Variants in KDM1B observed in about 807,000 individuals in gnomAD.
The protein encoded by KDM1B is lysine demethylase 1B, also known as lysine-specific histone demethylase 2.
Under a neutral mutation model 107.4 loss-of-function variants are expected in KDM1B, and 63 were observed. The ratio of observed to expected loss-of-function variants is 0.59; its 90% CI spans 0.48 to 0.72. KDM1B has a LOEUF of 0.72. Ranked by LOEUF, KDM1B falls within the 30% of genes least tolerant of loss-of-function variation. The pLI is 0.00. For synonymous variants in KDM1B, 363 were observed against 363.9 expected (o/e 1.00, Z 0.03); for missense variants, 749 against 1,020.8 (o/e 0.73, Z 3.63).
rs533016543 is a variant in KDM1B at position 18,210,342 on chromosome 6, C to CTTTTTTTTTTTTTTTTTTTTTTTTTTTT, written c.1866+2139_1867-2116dup. ...TCTTTCTTTTTTTTCTCTTTCTTTT[C>CTTTTTTTTTTTTTTTTTTTTTTTTTTTT]TTTTTTTTTTTTTTTTTTTTTTTTT... On this transcript the variant is annotated intron_variant, in intron 17 of 21. Transcript: ENST00000650836. Among the ~76,000 whole-genome samples, 87 of 70,008 alleles carry CTTTTTTTTTTTTTTTTTTTTTTTTTTTT rather than the reference C, an allele frequency of 1.2e-3. 11 individuals are homozygous for CTTTTTTTTTTTTTTTTTTTTTTTTTTTT. Among genetic ancestry groups the CTTTTTTTTTTTTTTTTTTTTTTTTTTTT allele is most frequent in the South Asian group, 1.6e-3 (4 of 2,434 alleles). 45.9% of individuals were successfully genotyped at this position (70,008 alleles called of 152,430 possible).
chr6:18,217,838 G>T lies in KDM1B; in HGVS notation c.2338G>T (p.Asp780Tyr). ...VKTGGSGEAYDIIAEDIQGTV... is the reference protein window; with the variant it reads ...VKTGGSGEAYYIIAEDIQGTV... ...GACAGGTGGAAGTGGGGAGGCCTAC[G>T]ATATCATTGCTGAAGACATTCAAGG... is the stretch of plus-strand genomic sequence containing the variant. The change falls in exon 21 of 22, where the codon GAT becomes TAT. Residue 780 changes from aspartate to tyrosine, a missense_variant. By Grantham distance (160) the Asp-to-Tyr change is radical. Transcript: ENST00000650836. The T allele has an allele frequency of 6.2e-7, 1 of 1,613,990 alleles. No homozygotes were observed. Among genetic ancestry groups the T allele is most frequent in the Non-Finnish European group, 8.5e-7 (1 of 1,179,966 alleles).
intron 3 of KDM1B, 121 bp from the exon 4 acceptor site, chr6:18,161,206 A>C: frequency 1.3e-6 from 1 of 794,896 alleles, no homozygotes; most frequent in Non-Finnish European, 2.1e-6. Context: ...TCCCTAACCT[A>C]CTGCCATGAT....
chr6:18,168,893 A>G (rs1785484923), intron 6 of KDM1B, among the ~76,000 whole-genome samples: 1 of 152,154 alleles, frequency 6.6e-6, no homozygotes. Flanking sequence ...CGTCTTTGAG[A>G]TGGAGTCTTG....
intron 21 of KDM1B, among the ~76,000 whole-genome samples, chr6:18,218,293 T>A (rs997892515): frequency 6.6e-6 from 1 of 152,020 alleles, no homozygotes; most frequent in African/African-American, 2.4e-5. Flanking sequence ...GCTAATTTTT[T>A]TTTTATTTTT....
chr6:18,208,036 C>T, intron 16 of KDM1B, 96 bp from the exon 17 acceptor site: 2 of 891,500 alleles, frequency 2.2e-6, no homozygotes, highest in Non-Finnish European at 3.8e-6. Flanking sequence ...TCCCCTTAGC[C>T]TTGGAGATGT....
At chr6:18,216,881 T>C (rs930861711) in intron 20 of KDM1B, among the ~76,000 whole-genome samples, 1 of 152,240 alleles carries the variant, frequency 6.6e-6, no homozygotes, top group African/African-American at 2.4e-5. Context: ...ATAGTGTGTA[T>C]AGTATTGGTC....
rs1409179077 is a variant in KDM1B at position 18,166,404 on chromosome 6, G to A, written c.417+26G>A. 4.4e-6 allele frequency: 6 copies of A among 1,366,616 alleles called. No homozygotes were observed. The African/African-American group carries it at 7.1e-5, about 16-fold the overall frequency. The allele number at this position is 1,366,616 out of a possible 1,614,324, so 84.7% of individuals were successfully genotyped here. A position where few individuals can be genotyped will look rare whatever the true frequency, so the allele number is the denominator to read the frequency against. ...GTAAGGAGAGTGATGCTCTCTGTCT[G>A]TGAAGTATTTGTGGAGCCAAATGCA... is the stretch of plus-strand genomic sequence containing the variant. On this transcript the variant is annotated intron_variant, in intron 6 of 21. Coordinates refer to ENST00000650836, the MANE Select transcript of KDM1B (RefSeq NM_001364614.2).
chr6:18,192,723 A>G (rs1351790213), intron 10 of KDM1B, among the ~76,000 whole-genome samples: 4 of 145,566 alleles, frequency 2.7e-5, no homozygotes, highest in Non-Finnish European at 4.5e-5. Context: ...TGGGCAAGAT[A>G]GTGAGATCCC....
At chr6:18,179,573 G>T (rs1786288878) in intron 7 of KDM1B, among the ~76,000 whole-genome samples, 1 of 152,132 alleles carries the variant, frequency 6.6e-6, no homozygotes, top group Non-Finnish European at 1.5e-5. Context: ...TGGCCATCTA[G>T]GTGGTTTATG....
chr6:18,189,555 A>G (rs1394145450), intron 9 of KDM1B, among the ~76,000 whole-genome samples: 1 of 152,228 alleles, frequency 6.6e-6, no homozygotes, highest in Admixed American at 6.5e-5. Flanking sequence ...GCCTAGCAAT[A>G]GGGAAATGGT....
In KDM1B at chr6:18,185,944, G is replaced by A. The variant is rs116028986; in HGVS notation, c.573+134G>A. On this transcript the variant is annotated intron_variant, in intron 8 of 21. Coordinates refer to ENST00000650836, the MANE Select transcript of KDM1B (RefSeq NM_001364614.2). The stretch of plus-strand genomic sequence containing the variant: ...ATCAGTGACTTTTTAATCTAACATG[G>A]TAACTATATTATGAAAATGTTAGCA... 1,272 of 797,912 alleles carry A rather than the reference G, an allele frequency of 1.6e-3. 13 individuals carry two copies. The African/African-American group carries it at 0.02, about 13-fold the overall frequency. 49.4% of individuals were successfully genotyped at this position (797,912 alleles called of 1,614,324 possible).
chr6:18,192,038 C>T (rs550352320), intron 10 of KDM1B, among the ~76,000 whole-genome samples: 4 of 152,146 alleles, frequency 2.6e-5, no homozygotes, highest in East Asian at 3.9e-4. Flanking sequence ...GCAGGAGGAT[C>T]GCTTGAGCCT....
chr6:18,200,302 A>G lies in KDM1B; in HGVS notation c.1222-137A>G, dbSNP rs1220921361. ...CTTCTCTTCACACTGCCTGCTTTTT[A>G]AAGTTGTTTTTTTAGAAATATTTGG... On this transcript the variant is annotated intron_variant, in intron 12 of 21. Transcript: ENST00000650836. This position sits in a 1 kb window ranked among gnomAD's most constrained non-coding sequence, Gnocchi z 4.3. 3 of 902,806 alleles carry G rather than the reference A, an allele frequency of 3.3e-6. No individual in the cohort carries two copies. The highest frequency in any genetic ancestry group is 5.0e-6 in the Non-Finnish European group (3 of 604,354). 55.9% of individuals were successfully genotyped at this position (902,806 alleles called of 1,614,324 possible).
intron 6 of KDM1B, among the ~76,000 whole-genome samples, chr6:18,168,708 T>A (rs1785474939): frequency 6.6e-6 from 1 of 152,238 alleles, no homozygotes. Context: ...TTTTCATTCC[T>A]GTCTGTAGCA....
rs755777440 is a variant in KDM1B, at chr6:18,162,872, C to A, written c.253C>A (p.Leu85Ile). The change falls in exon 5 of 22, where the codon CTC becomes ATC. Residue 85 changes from leucine to isoleucine, a missense_variant. Transcript: ENST00000650836. The surrounding 1 kb of genome is among the most constrained non-coding windows in gnomAD (Gnocchi z 4.1). ...KNGYTSRWYH[L>I]SCGEHFCNEC... ...TGGCTACACCTCCCGATGGTATCAT[C>A]TCTCCTGTGGGGAACATTTCTGTAA... is the stretch of plus-strand genomic sequence containing the variant. 2 of 1,612,332 alleles carry A rather than the reference C, an allele frequency of 1.2e-6. No individual in the cohort carries two copies. The highest frequency in any genetic ancestry group is 2.2e-5 in the South Asian group (2 of 91,028).
rs1462342234 is a variant in KDM1B, at chr6:18,191,507, T to A, written c.969+126T>A. 1.9e-6 allele frequency: 2 copies of A among 1,062,536 alleles called. No homozygotes were observed. The highest frequency in any genetic ancestry group is 2.7e-6 in the Non-Finnish European group (2 of 748,090). 65.8% of individuals were successfully genotyped at this position (1,062,536 alleles called of 1,614,324 possible). A position where few individuals can be genotyped will look rare whatever the true frequency, so the allele number is the denominator to read the frequency against. On this transcript the variant is annotated intron_variant, in intron 10 of 21. Transcript: ENST00000650836. The surrounding 1 kb of genome is among the most constrained non-coding windows in gnomAD (Gnocchi z 5.1). ...TCTCAGCCGTGCCTCTGTTGACAAT[T>A]TGGGCAGATAATTCTTTGTGGTGGG...
At chr6:18,185,355 G>A (rs1003503673) in intron 7 of KDM1B, among the ~76,000 whole-genome samples, 21 of 151,188 alleles carry the variant, frequency 1.4e-4, no homozygotes, top group African/African-American at 4.6e-4. Flanking sequence ...AGGCTGGAGC[G>A]CAGTAGCGCA....
intron 7 of KDM1B, among the ~76,000 whole-genome samples, chr6:18,185,399 C>G (rs1786792166): frequency 6.6e-6 from 1 of 151,872 alleles, no homozygotes; most frequent in Non-Finnish European, 1.5e-5. Context: ...CTTTCCGGGT[C>G]CCAGTGATTC....
At chr6:18,210,037 G>A (rs1355794975) in intron 17 of KDM1B, among the ~76,000 whole-genome samples, 11 of 152,136 alleles carry the variant, frequency 7.2e-5, no homozygotes, top group Non-Finnish European at 1.0e-4. Flanking sequence ...GTACTTGTGC[G>A]TTTCTGTGTT....
Sources: allele counts gnomAD v4.1 joint callset (sites outside exome capture counted in the v4.1 genomes callset), GRCh38; gene constraint gnomAD v4.1.1; non-coding constraint Gnocchi (gnomAD v3.1); transcripts MANE v1.5; gene names NCBI Gene and HGNC (gene_info 2026-07-23, HGNC 2026-07-21).